The following CPVL variants were observed in gnomAD, a reference collection of about 807,000 sequenced individuals.
CPVL encodes probable serine carboxypeptidase CPVL.
A neutral mutation model predicts 63.7 loss-of-function variants in CPVL; 51 were observed. The observed-to-expected ratio is 0.80, with a 90% CI of 0.64 to 1.01. The LOEUF (loss-of-function observed/expected upper bound fraction) is 1.01, where lower values mean the gene tolerates loss of function less well. Ranked by LOEUF, CPVL falls within the 50% of genes least tolerant of loss-of-function variation. The probability of loss-of-function intolerance (pLI) is 0.00; values close to 1 mark genes in which losing one functional copy is unlikely to be tolerated. For synonymous variants in CPVL, 195 were observed against 206.0 expected (o/e 0.95, Z 0.46); for missense variants, 530 against 573.1 (o/e 0.92, Z 0.77).
intron 1 of CPVL, chr7:29,194,814 C>T: frequency 2.6e-6 from 2 of 775,420 alleles, no homozygotes; most frequent in East Asian, 3.5e-5. Flanking sequence ...GAGGCTGGTG[C>T]TTTCTGCGCG....
chr7:29,002,158 G>A (rs1013980271), intron 12 of CPVL, among the ~76,000 whole-genome samples: 10 of 152,082 alleles, frequency 6.6e-5, no homozygotes, highest in African/African-American at 2.2e-4. Flanking sequence ...TTAGTCTTAC[G>A]GTGCTTGAGA....
chr7:29,134,886 G>T (rs1392090458), intron 1 of CPVL, among the ~76,000 whole-genome samples: 1 of 152,060 alleles, frequency 6.6e-6, no homozygotes, highest in Admixed American at 6.6e-5. Context: ...GATAGCTCCA[G>T]CCCAGGAGTT....
intron 5 of CPVL, among the ~76,000 whole-genome samples, chr7:29,155,593 G>A (rs941122981): frequency 6.6e-6 from 1 of 152,152 alleles, no homozygotes; most frequent in African/African-American, 2.4e-5. Context: ...CACCAAAACT[G>A]CCATTTTTCT....
chr7:29,107,941 C>T (rs1165492451), intron 3 of CPVL, among the ~76,000 whole-genome samples: 2 of 152,224 alleles, frequency 1.3e-5, no homozygotes, highest in African/African-American at 4.8e-5. Context: ...TGCTCTTCTA[C>T]TGCCAGAGAG....
In CPVL at chr7:29,120,838, A is replaced by C. The variant is rs868063469; in HGVS notation, c.169+55T>G. The C allele has an allele frequency of 4.5e-4, 629 of 1,396,588 alleles. 5 individuals carry two copies. The African/African-American group carries it at 8.3e-3, about 18-fold the overall frequency. The allele number at this position is 1,396,588 out of a possible 1,614,324, so 86.5% of individuals were successfully genotyped here. A position where few individuals can be genotyped will look rare whatever the true frequency, so the allele number is the denominator to read the frequency against. On this transcript the variant is annotated intron_variant, in intron 2 of 12. Coordinates refer to ENST00000265394, the MANE Select transcript of CPVL (RefSeq NM_031311.5). Reference sequence around the variant, plus strand: ...CGTCTCAAAAAAAAAAAAAAAAAAAAGAGAAACTGTTGAACTCATGCCAGT... The same window carrying C: ...CGTCTCAAAAAAAAAAAAAAAAAAACGAGAAACTGTTGAACTCATGCCAGT...
intron 5 of CPVL, among the ~76,000 whole-genome samples, chr7:29,158,517 C>T (rs1472213028): frequency 8.2e-5 from 3 of 36,700 alleles, no homozygotes; most frequent in African/African-American, 2.0e-4. Context: ...ATTGTGTAGC[C>T]TAGTCTTTAT....
intron 11 of CPVL, among the ~76,000 whole-genome samples, chr7:29,061,497 G>A (rs891370269): frequency 1.3e-5 from 2 of 152,160 alleles, no homozygotes; most frequent in Non-Finnish European, 2.9e-5. Flanking sequence ...ATGGGCAAGA[G>A]GGACAGAGAA....
chr7:29,157,260 C>T (rs1794506617), intron 5 of CPVL, among the ~76,000 whole-genome samples: 1 of 152,126 alleles, frequency 6.6e-6, no homozygotes, highest in Non-Finnish European at 1.5e-5. Flanking sequence ...GACCCCTCCC[C>T]CACCCTGCTA....
Position 29,066,053 on chromosome 7 carries a change from A to G in CPVL, c.933T>C (p.Cys311=), listed in dbSNP as rs1180665562. ...ACCGCAAAAAGTTATAGTAATTACT[A>G]CATCCTGTAACATTCTGGAAGTAAG... is the stretch of plus-strand genomic sequence containing the variant. ...DPSYFQNVTG[C]SNYYNFLRCT... The change falls in exon 10 of 13, where the codon TGT becomes TGC. Residue 311 remains cysteine, a synonymous_variant. Coordinates refer to ENST00000265394, the MANE Select transcript of CPVL (RefSeq NM_031311.5). 2 of 1,607,518 alleles carry G rather than the reference A, an allele frequency of 1.2e-6. No individual in the cohort carries two copies. Among genetic ancestry groups the G allele is most frequent in the Non-Finnish European group, 1.7e-6 (2 of 1,175,130 alleles).
chr7:29,033,735 C>T (rs1411095643), intron 11 of CPVL, among the ~76,000 whole-genome samples: 3 of 152,214 alleles, frequency 2.0e-5, no homozygotes, highest in Admixed American at 1.3e-4. Context: ...TGGTCTCCAG[C>T]GACGTACTAG....
chr7:29,123,611 AAAAAAAAAAAAAAAAAAATAT>A (rs1156978505), intron 1 of CPVL, among the ~76,000 whole-genome samples: 83 of 93,978 alleles, frequency 8.8e-4, no homozygotes, highest in African/African-American at 3.4e-3. Flanking sequence ...AAAAAAAAAA[AAAAAAAAAAAAAAAAAAATAT>A]ATATATATAT....
chr7:29,133,787 G>T (rs915321919), intron 1 of CPVL, among the ~76,000 whole-genome samples: 1 of 152,190 alleles, frequency 6.6e-6, no homozygotes, highest in Non-Finnish European at 1.5e-5. Flanking sequence ...TTTGTTGTTA[G>T]ATGGAAAGTG....
chr7:29,128,238 T>C (rs904969297), intron 1 of CPVL: 8 of 151,082 alleles, frequency 5.3e-5, no homozygotes, highest in African/African-American at 1.9e-4. Context: ...TCTCTGCTCC[T>C]AGGTAGGGAT....
intron 6 of CPVL, among the ~76,000 whole-genome samples, chr7:29,091,153 T>C (rs1242079519): frequency 6.6e-6 from 1 of 152,176 alleles, no homozygotes; most frequent in African/African-American, 2.4e-5. Context: ...AATAGATGCT[T>C]TGAAATAGGT....
At chr7:29,028,782 G>C (rs1371722677) in intron 12 of CPVL, among the ~76,000 whole-genome samples, 1 of 151,956 alleles carries the variant, frequency 6.6e-6, no homozygotes, top group Non-Finnish European at 1.5e-5. Context: ...TGGCTAACAC[G>C]GTGAAACCCC....
intron 12 of CPVL, among the ~76,000 whole-genome samples, chr7:29,018,233 T>G (rs1218905025): frequency 4.6e-5 from 7 of 151,896 alleles, no homozygotes; most frequent in Non-Finnish European, 4.4e-5. Context: ...TTTGTGTCAA[T>G]AAAGATATTT....
intron 11 of CPVL, among the ~76,000 whole-genome samples, chr7:29,043,239 C>CTTT (rs113006758): frequency 1.2e-4 from 17 of 147,026 alleles, no homozygotes; most frequent in African/African-American, 4.2e-4. Context: ...TTTTCTTTAC[C>CTTT]TTTTTTTTTT....
intron 11 of CPVL, among the ~76,000 whole-genome samples, chr7:29,046,563 G>GCA (rs1789635218): frequency 1.1e-5 from 1 of 92,234 alleles, no homozygotes; most frequent in Non-Finnish European, 2.6e-5. Flanking sequence ...GCACGTGCGC[G>GCA]CGTGCACACA....
At chr7:29,119,594 A>G (rs6970601) in intron 2 of CPVL, among the ~76,000 whole-genome samples, 44,367 of 152,052 alleles carry the variant, frequency 0.29, 6,561 homozygotes, top group Middle Eastern at 0.34. Context: ...AGAAAAACCC[A>G]CAATCTCTAA....
Sources: gnomAD v4.1 joint callset for allele counts (sites outside exome capture counted in the v4.1 genomes callset) on GRCh38, gnomAD v4.1.1 for gene constraint, MANE v1.5 for transcripts, NCBI Gene and HGNC (gene_info 2026-07-23, HGNC 2026-07-21) for gene names.